The following ITGA8 variants were observed in gnomAD, a reference collection of about 807,000 sequenced individuals.
The protein encoded by ITGA8 is integrin alpha-8.
ITGA8 carries 91 observed loss-of-function variants against 142.3 expected under a neutral mutation model. The ratio of observed to expected loss-of-function variants is 0.64; its 90% CI spans 0.54 to 0.76. The LOEUF is 0.76. Ranked by LOEUF, ITGA8 falls within the 30% of genes least tolerant of loss-of-function variation. ITGA8 has a pLI of 0.00. For synonymous variants in ITGA8, 505 were observed against 485.2 expected, an observed-to-expected ratio of 1.04 and a Z score of -0.54; for missense variants, 1,406 against 1,327.7, an observed-to-expected ratio of 1.06 and a Z score of -0.92.
chr10:15,527,544 T>G (rs555026301), intron 28 of ITGA8, among the ~76,000 whole-genome samples: 1 of 152,324 alleles, frequency 6.6e-6, no homozygotes, highest in South Asian at 2.1e-4. Flanking sequence ...TCAGGCATAT[T>G]TCTTCGAATC....
intron 6 of ITGA8, among the ~76,000 whole-genome samples, 171 bp from the exon 7 acceptor site, chr10:15,672,920 CT>C (rs1834555018): frequency 6.6e-6 from 1 of 152,188 alleles, no homozygotes; most frequent in Admixed American, 6.5e-5. Flanking sequence ...CTGGGTAGAA[CT>C]TTCCATTCTG....
At chr10:15,654,099 G>A (rs1038777747) in intron 11 of ITGA8, among the ~76,000 whole-genome samples, 3 of 152,166 alleles carry the variant, frequency 2.0e-5, no homozygotes, top group African/African-American at 7.2e-5. Flanking sequence ...GCCTCCCAAA[G>A]TGCTGGGATT....
At chr10:15,522,194 AT>A (rs1833085211) in intron 28 of ITGA8, among the ~76,000 whole-genome samples, 2 of 152,264 alleles carry the variant, frequency 1.3e-5, no homozygotes, top group Non-Finnish European at 1.5e-5. Context: ...GTGTATCAAA[AT>A]ATCACATGTA....
At chr10:15,530,276 A>T (rs572289556) in intron 28 of ITGA8, among the ~76,000 whole-genome samples, 1 of 146,598 alleles carries the variant, frequency 6.8e-6, no homozygotes, top group East Asian at 2.0e-4. Context: ...AGCTGGGCGC[A>T]GTGGCTTATG....
intron 23 of ITGA8, among the ~76,000 whole-genome samples, chr10:15,578,823 G>A (rs1238405068): frequency 1.3e-5 from 2 of 152,032 alleles, no homozygotes; most frequent in Admixed American, 6.6e-5. Context: ...ATGTGGTGCT[G>A]TCTCTTGTGG....
intron 9 of ITGA8, among the ~76,000 whole-genome samples, chr10:15,659,627 C>G (rs1834248544): frequency 6.6e-6 from 1 of 152,172 alleles, no homozygotes. Context: ...AATTTCATAT[C>G]TACCCAGAAC....
intron 23 of ITGA8, among the ~76,000 whole-genome samples, chr10:15,581,327 T>A (rs1397397212): frequency 6.6e-6 from 1 of 152,202 alleles, no homozygotes; most frequent in East Asian, 1.9e-4. Context: ...TTATCACATG[T>A]CAATAGCAGA....
chr10:15,584,124 C>A (rs1456625415), intron 23 of ITGA8, among the ~76,000 whole-genome samples: 2 of 151,992 alleles, frequency 1.3e-5, no homozygotes, highest in Admixed American at 6.6e-5. Context: ...TGGTGAAACC[C>A]CTTCTCTATT....
rs561954390 is a variant in ITGA8, at chr10:15,671,760, A to G, written c.803-113T>C. 118 of 744,164 alleles carry G rather than the reference A, an allele frequency of 1.6e-4. No homozygotes were observed. In the Middle Eastern group the frequency reaches 1.8e-3, roughly 11 times the overall value. 46.1% of individuals were successfully genotyped at this position (744,164 alleles called of 1,614,324 possible). A position where few individuals can be genotyped will look rare whatever the true frequency, so the allele number is the denominator to read the frequency against. ...GGTACTGCTTTATTTAGAAACCTCT[A>G]CAAATATTATAAAAGTTAAAGATTC... On this transcript the variant is annotated intron_variant, in intron 7 of 29. Transcript: ENST00000378076.
chr10:15,588,412 C>T (rs1300024952), intron 22 of ITGA8, among the ~76,000 whole-genome samples: 1 of 152,162 alleles, frequency 6.6e-6, no homozygotes, highest in Non-Finnish European at 1.5e-5. Context: ...ACCCCAGTTT[C>T]CAGGCCATTT....
chr10:15,650,514 C>T (rs1052820350), intron 11 of ITGA8, among the ~76,000 whole-genome samples: 1 of 152,156 alleles, frequency 6.6e-6, no homozygotes, highest in Non-Finnish European at 1.5e-5. Context: ...CATGTGATGC[C>T]TGGCACCACC....
chr10:15,706,180 A>T lies in ITGA8; in HGVS notation c.343+12586T>A, dbSNP rs113396695. ...TTCATCTAAGACATGCTCCTTACCC[A>T]CTGTTCTCTAAGTCTTATTCCTTCA... On this transcript the variant is annotated intron_variant, in intron 2 of 29. Transcript: ENST00000378076. Among the ~76,000 whole-genome samples, 32 of 152,230 alleles carry T rather than the reference A, an allele frequency of 2.1e-4. 1 individual carries two copies. The highest frequency in any genetic ancestry group is 7.2e-4 in the African/African-American group (30 of 41,520).
intron 23 of ITGA8, among the ~76,000 whole-genome samples, chr10:15,575,960 TGTGA>T (rs1372681837): frequency 5.9e-4 from 89 of 150,282 alleles, no homozygotes; most frequent in African/African-American, 2.1e-3. Context: ...TGTGTGTGTG[TGTGA>T]GTGTGTGTGT....
At chr10:15,635,632 A>T (rs543177082) in intron 13 of ITGA8, among the ~76,000 whole-genome samples, 1 of 152,286 alleles carries the variant, frequency 6.6e-6, no homozygotes, top group South Asian at 2.1e-4. Context: ...TTTGATCTAC[A>T]TGCATGAGAT....
chr10:15,583,786 G>A (rs1834460364), intron 23 of ITGA8, among the ~76,000 whole-genome samples: 1 of 152,058 alleles, frequency 6.6e-6, no homozygotes, highest in Admixed American at 6.6e-5. Flanking sequence ...TTCTTTTGAT[G>A]TCATAACTTC....
intron 13 of ITGA8, among the ~76,000 whole-genome samples, chr10:15,630,960 A>T (rs1833675259): frequency 6.6e-6 from 1 of 152,040 alleles, no homozygotes. Context: ...TTGGCTGCAT[A>T]AATGTCTTCT....
intron 8 of ITGA8, among the ~76,000 whole-genome samples, chr10:15,665,808 T>C (rs1219690750): frequency 1.3e-5 from 2 of 152,204 alleles, no homozygotes; most frequent in Non-Finnish European, 2.9e-5. Flanking sequence ...GTCAGGTTTG[T>C]CAAAGATCAG....
rs541545214 is a variant in ITGA8, at chr10:15,566,987, A to T, written c.2637+5224T>A. 7.3e-5 allele frequency among the ~76,000 whole-genome samples: 11 copies of T among 149,914 alleles called. No individual in the cohort carries two copies. The East Asian group carries it at 2.2e-3, about 30-fold the overall frequency. On this transcript the variant is annotated intron_variant, in intron 25 of 29. Transcript: ENST00000378076. Reference sequence around the variant, plus strand: ...AGCCTGGCCAACATGGTGAAAACCCATCTCTACTAAAAATACAAAAACTAT... The same window carrying T: ...AGCCTGGCCAACATGGTGAAAACCCTTCTCTACTAAAAATACAAAAACTAT...
At position 15,558,677 on chromosome 10, in the gene ITGA8, C is replaced by T. The variant is rs571475487; in HGVS notation, c.2638-475G>A. On this transcript the variant is annotated intron_variant, in intron 25 of 29. Coordinates refer to ENST00000378076, the MANE Select transcript of ITGA8 (RefSeq NM_003638.3). ...CCTGATGTGGTCAAAGACCCCACAT[C>T]CACATGGCTGAACCCCACGTTCCTG... 3.2e-4 allele frequency among the ~76,000 whole-genome samples: 48 copies of T among 152,254 alleles called. No individual in the cohort carries two copies. In the South Asian group the frequency reaches 1.0e-2, roughly 32 times the overall value.
Sources: allele counts gnomAD v4.1 joint callset (sites outside exome capture counted in the v4.1 genomes callset), GRCh38; gene constraint gnomAD v4.1.1; transcripts MANE v1.5; gene names NCBI Gene and HGNC (gene_info 2026-07-23, HGNC 2026-07-21).